The following SMOC2 variants were observed in gnomAD, a reference collection of about 807,000 sequenced individuals.
The protein encoded by SMOC2 is SPARC related modular calcium binding 2.
Under a neutral mutation model 61.4 loss-of-function variants are expected in SMOC2, and 39 were observed. That is an observed-to-expected ratio of 0.64 (90% CI 0.49 to 0.83). The LOEUF is 0.83. SMOC2 is among the 40% of genes least tolerant of loss of function. The probability of loss-of-function intolerance (pLI) is 0.00; values close to 1 mark genes in which losing one functional copy is unlikely to be tolerated. For missense variants in SMOC2, 556 were observed against 592.9 expected, an observed-to-expected ratio of 0.94 and a Z score of 0.65; for synonymous variants, 247 against 239.9, an observed-to-expected ratio of 1.03 and a Z score of -0.27.
intron 9 of SMOC2, among the ~76,000 whole-genome samples, chr6:168,639,669 C>T (rs963782262): frequency 6.6e-6 from 1 of 152,208 alleles, no homozygotes; most frequent in Non-Finnish European, 1.5e-5. Context: ...TAAATGAAGA[C>T]ATTCTGGCAA....
chr6:168,503,638 G>A (rs1006506548), intron 1 of SMOC2, among the ~76,000 whole-genome samples: 1 of 152,162 alleles, frequency 6.6e-6, no homozygotes, highest in African/African-American at 2.4e-5. Flanking sequence ...CAAATTGAGT[G>A]TCAGAGATTG....
At chr6:168,518,667 A>C (rs1482133452) in intron 2 of SMOC2, among the ~76,000 whole-genome samples, 1 of 140,852 alleles carries the variant, frequency 7.1e-6, no homozygotes, top group African/African-American at 2.6e-5. Flanking sequence ...GTATGTATGG[A>C]GAGTGTGCTT....
At chr6:168,549,070 AG>A in intron 6 of SMOC2, 58 bp from the exon 7 acceptor site, 1 of 1,403,442 alleles carries the variant, frequency 7.1e-7, no homozygotes, top group Non-Finnish European at 1.0e-6. Context: ...TGCGTAACTA[AG>A]GAACATTGTG....
intron 7 of SMOC2, among the ~76,000 whole-genome samples, chr6:168,583,481 G>C (rs916582492): frequency 6.6e-6 from 1 of 152,228 alleles, no homozygotes; most frequent in African/African-American, 2.4e-5. Flanking sequence ...CTGTGTATTG[G>C]GTGTTTGCTT....
chr6:168,597,205 T>TATG (rs1785356831), intron 7 of SMOC2, among the ~76,000 whole-genome samples: 1 of 152,250 alleles, frequency 6.6e-6, no homozygotes, highest in Non-Finnish European at 1.5e-5. Flanking sequence ...ACACAAAACG[T>TATG]ATGCTTTTAC....
At chr6:168,497,516 G>A (rs772932277) in intron 1 of SMOC2, among the ~76,000 whole-genome samples, 4 of 152,112 alleles carry the variant, frequency 2.6e-5, no homozygotes, top group Admixed American at 6.5e-5. Context: ...TCTCCTCCAG[G>A]GACCCTCCTG....
Position 168,543,687 on chromosome 6 carries a change from A to C in SMOC2, c.511+15A>C. ...AGGAAAAACAGGTAACTATCTTAGAATAAATGTCTATGACGATATGTAACA... is the reference window on the plus strand; with the variant it reads ...AGGAAAAACAGGTAACTATCTTAGACTAAATGTCTATGACGATATGTAACA... On this transcript the variant is annotated intron_variant, in intron 5 of 12. Coordinates refer to ENST00000356284, the MANE Select transcript of SMOC2 (RefSeq NM_001166412.2). The C allele has an allele frequency of 6.2e-7, 1 of 1,609,830 alleles. No homozygotes were observed. Among genetic ancestry groups the C allele is most frequent in the Non-Finnish European group, 8.5e-7 (1 of 1,176,360 alleles).
chr6:168,618,593 G>A (rs1259890381), intron 9 of SMOC2, among the ~76,000 whole-genome samples: 1 of 151,396 alleles, frequency 6.6e-6, no homozygotes. Context: ...ATTAAGAGGA[G>A]AGTTGAGGAG....
chr6:168,500,605 A>T (rs186947339), intron 1 of SMOC2, among the ~76,000 whole-genome samples: 71 of 152,160 alleles, frequency 4.7e-4, no homozygotes, highest in African/African-American at 1.7e-3. Flanking sequence ...CCGGGTGGCT[A>T]CGCGAATGTG....
intron 9 of SMOC2, among the ~76,000 whole-genome samples, chr6:168,608,852 A>G (rs995532187): frequency 2.6e-5 from 4 of 152,234 alleles, no homozygotes; most frequent in African/African-American, 4.8e-5. Flanking sequence ...TTCTCTAAAT[A>G]TCTCCAGATT....
rs61434310 is a variant in SMOC2, at chr6:168,464,186, C to CAAAA, written c.84+22745_84+22748dup. Among the ~76,000 whole-genome samples, 189 of 112,336 alleles carry CAAAA rather than the reference C, an allele frequency of 1.7e-3. 10 individuals are homozygous for CAAAA. The highest frequency in any genetic ancestry group is 5.1e-3 in the African/African-American group (151 of 29,856). The allele number at this position is 112,336 out of a possible 152,430, so 73.7% of individuals were successfully genotyped here. On this transcript the variant is annotated intron_variant, in intron 1 of 12. Coordinates refer to ENST00000356284, the MANE Select transcript of SMOC2 (RefSeq NM_001166412.2). ...ATCCTGGGCAACAGAGCAAGACTGT[C>CAAAA]AAAAAAAAAAAAAAAAGAGGAAGGA...
intron 1 of SMOC2, among the ~76,000 whole-genome samples, chr6:168,456,498 G>T (rs771811905): frequency 6.6e-6 from 1 of 152,158 alleles, no homozygotes; most frequent in Non-Finnish European, 1.5e-5. Context: ...GACCCTCACG[G>T]CACCCCAGCA....
At chr6:168,512,499 C>T (rs16887056) in intron 2 of SMOC2, among the ~76,000 whole-genome samples, 10,234 of 152,270 alleles carry the variant, frequency 0.067, 498 homozygotes, top group East Asian at 0.23. Context: ...CCTCAATATG[C>T]TACTGAGATT....
chr6:168,513,311 A>G (rs1014344198), intron 2 of SMOC2, among the ~76,000 whole-genome samples: 1 of 150,516 alleles, frequency 6.6e-6, no homozygotes, highest in African/African-American at 2.4e-5. Flanking sequence ...CTGAAGTTCT[A>G]TAGTTCTATA....
intron 9 of SMOC2, among the ~76,000 whole-genome samples, chr6:168,626,106 G>A (rs528114995): frequency 1.3e-5 from 2 of 152,324 alleles, no homozygotes; most frequent in Non-Finnish European, 2.9e-5. Context: ...GTGAAGCAGA[G>A]GTCTTGCCAC....
chr6:168,566,489 T>C (rs1784543631), intron 7 of SMOC2, among the ~76,000 whole-genome samples: 1 of 112,982 alleles, frequency 8.9e-6, no homozygotes, highest in African/African-American at 3.8e-5. Context: ...CTTTTTTTTT[T>C]TTTTTTTTTT....
chr6:168,644,396 A>G (rs1786971661), intron 9 of SMOC2, among the ~76,000 whole-genome samples: 1 of 152,094 alleles, frequency 6.6e-6, no homozygotes, highest in African/African-American at 2.4e-5. Context: ...TGTTTGTGAA[A>G]AGACCCAGCC....
Position 168,636,891 on chromosome 6 carries a change from CACCTCCCTCCT to C in SMOC2, c.908-13789_908-13779del, listed in dbSNP as rs1189702608. ...CTCCCTCCTCCCGCCTCCCTCCTCCCACCTCCCTCCTGCCCGCATCCCTCCTCCCTCCTCCC... is the reference window on the plus strand; with the variant it reads ...CTCCCTCCTCCCGCCTCCCTCCTCCCGCCCGCATCCCTCCTCCCTCCTCCC... On this transcript the variant is annotated intron_variant, in intron 9 of 12. Transcript: ENST00000356284. Among the ~76,000 whole-genome samples, 569 of 128,706 alleles carry C rather than the reference CACCTCCCTCCT, an allele frequency of 4.4e-3. 3 individuals are homozygous for C. Among genetic ancestry groups the C allele is most frequent in the South Asian group, 7.7e-3 (25 of 3,260 alleles). 84.4% of individuals were successfully genotyped at this position (128,706 alleles called of 152,430 possible).
Position 168,580,611 on chromosome 6 carries a change from G to A in SMOC2, c.638-18207G>A, listed in dbSNP as rs185160606. ...GGCTGGAGGGCAGTGGCACAATCACGACTCACTGCAGCCTCGACCTCCCAG... is the reference window on the plus strand; with the variant it reads ...GGCTGGAGGGCAGTGGCACAATCACAACTCACTGCAGCCTCGACCTCCCAG... On this transcript the variant is annotated intron_variant, in intron 7 of 12. Coordinates refer to ENST00000356284, the MANE Select transcript of SMOC2 (RefSeq NM_001166412.2). Among the ~76,000 whole-genome samples the A allele has an allele frequency of 8.1e-4, 124 of 152,280 alleles. 3 individuals are homozygous for A. The East Asian group carries it at 0.016, about 20-fold the overall frequency.
Sources: gnomAD v4.1 joint callset for allele counts (sites outside exome capture counted in the v4.1 genomes callset) on GRCh38, gnomAD v4.1.1 for gene constraint, MANE v1.5 for transcripts, NCBI Gene and HGNC (gene_info 2026-07-23, HGNC 2026-07-21) for gene names.